The following ACTR3B variants were observed in gnomAD, a reference collection of about 807,000 sequenced individuals.
ACTR3B encodes actin-related protein 3B.
ACTR3B carries 8 observed loss-of-function variants against 59.0 expected under a neutral mutation model. That is an observed-to-expected ratio of 0.14 (90% CI 0.08 to 0.24). ACTR3B has a LOEUF of 0.24. ACTR3B is among the 10% of genes least tolerant of loss of function. The probability of loss-of-function intolerance (pLI) is 1.00; values close to 1 mark genes in which losing one functional copy is unlikely to be tolerated. For missense variants in ACTR3B, 245 were observed against 552.3 expected (o/e 0.44, Z 5.58); for synonymous variants, 148 against 197.9 (o/e 0.75, Z 2.12).
chr7:152,772,903 A>T (rs879570976), intron 1 of ACTR3B, among the ~76,000 whole-genome samples: 19 of 152,020 alleles, frequency 1.2e-4, no homozygotes, highest in Non-Finnish European at 2.2e-4. Context: ...ATGGGGGATT[A>T]GGTTAGGTTT....
chr7:152,844,841 C>G (rs1344318997), intron 9 of ACTR3B, among the ~76,000 whole-genome samples: 1 of 144,108 alleles, frequency 6.9e-6, no homozygotes, highest in Non-Finnish European at 1.5e-5. Flanking sequence ...TAATGTGAGT[C>G]TGATTGTATT....
chr7:152,814,837 T>A (rs1472527239), intron 5 of ACTR3B, among the ~76,000 whole-genome samples, 192 bp downstream of exon 5: 1 of 152,226 alleles, frequency 6.6e-6, no homozygotes, highest in Non-Finnish European at 1.5e-5. Flanking sequence ...TTTGATGCCA[T>A]TTTTTGGTAT....
chr7:152,784,792 G>A (rs1047214398), intron 2 of ACTR3B, among the ~76,000 whole-genome samples: 1 of 151,914 alleles, frequency 6.6e-6, no homozygotes, highest in Non-Finnish European at 1.5e-5. Flanking sequence ...TGGGGACCTC[G>A]CTGGTGTCTC....
intron 10 of ACTR3B, among the ~76,000 whole-genome samples, chr7:152,852,835 A>G (rs1798926882): frequency 6.6e-6 from 1 of 151,926 alleles, no homozygotes; most frequent in Non-Finnish European, 1.5e-5. Context: ...TCTGTCGCCC[A>G]GGCTGGAGTG....
chr7:152,826,858 C>T (rs1468639247), intron 9 of ACTR3B, among the ~76,000 whole-genome samples: 1 of 149,926 alleles, frequency 6.7e-6, no homozygotes, highest in African/African-American at 2.5e-5. Flanking sequence ...GAAAAGGTGG[C>T]GAAAGGCGCC....
intron 2 of ACTR3B, among the ~76,000 whole-genome samples, chr7:152,789,194 A>G (rs1275807004): frequency 6.6e-6 from 1 of 151,534 alleles, no homozygotes; most frequent in East Asian, 1.9e-4. Context: ...GTTTGAGACC[A>G]GCCTTGGCAA....
intron 10 of ACTR3B, among the ~76,000 whole-genome samples, chr7:152,852,916 T>G (rs892323516): frequency 2.0e-5 from 3 of 151,982 alleles, no homozygotes; most frequent in African/African-American, 7.2e-5. Context: ...CTCAGCCTAT[T>G]GAGTAGCTGG....
chr7:152,763,099 T>C (rs2098095186), intron 1 of ACTR3B, among the ~76,000 whole-genome samples: 1 of 152,012 alleles, frequency 6.6e-6, no homozygotes, highest in African/African-American at 2.4e-5. Context: ...GCGGATCACC[T>C]GAGGGCAGGA....
intron 4 of ACTR3B, among the ~76,000 whole-genome samples, chr7:152,807,953 C>G (rs2098257601): frequency 6.6e-6 from 1 of 152,190 alleles, no homozygotes; most frequent in Non-Finnish European, 1.5e-5. Flanking sequence ...GGCACATTCA[C>G]AAACCATTGC....
chr7:152,760,043 A>C, intron 1 of ACTR3B, 117 bp downstream of exon 1: 1 of 976,558 alleles, frequency 1.0e-6, no homozygotes, highest in East Asian at 3.5e-5. Context: ...CCCCGCGATC[A>C]CCTGGGCAGG....
At chr7:152,831,587 G>A (rs1347081608) in intron 9 of ACTR3B, among the ~76,000 whole-genome samples, 5 of 152,260 alleles carry the variant, frequency 3.3e-5, no homozygotes, top group South Asian at 4.1e-4. Flanking sequence ...GCTGATGGCC[G>A]TCCTACAGGA....
intron 9 of ACTR3B, among the ~76,000 whole-genome samples, chr7:152,833,470 C>G (rs1797190993): frequency 6.6e-6 from 1 of 152,154 alleles, no homozygotes; most frequent in Admixed American, 6.5e-5. Context: ...TCTAATAGGG[C>G]TGTCCTCTTA....
chr7:152,844,450 T>C (rs1563153496), intron 9 of ACTR3B, among the ~76,000 whole-genome samples: 1 of 152,186 alleles, frequency 6.6e-6, no homozygotes, highest in Non-Finnish European at 1.5e-5. Context: ...AAAAGTGGAA[T>C]TTAAATGTAT....
chr7:152,777,677 A>G (rs1332174847), intron 1 of ACTR3B, among the ~76,000 whole-genome samples: 2 of 152,220 alleles, frequency 1.3e-5, no homozygotes, highest in Non-Finnish European at 2.9e-5. Context: ...GAAATTTGCC[A>G]TGCGCGGTGG....
intron 1 of ACTR3B, among the ~76,000 whole-genome samples, chr7:152,767,863 A>G (rs1205718783): frequency 3.3e-5 from 5 of 151,992 alleles, no homozygotes; most frequent in African/African-American, 1.2e-4. Flanking sequence ...GTGCTGCTTT[A>G]CAGAATGCTC....
chr7:152,772,687 AACC>A (rs2098126977), intron 1 of ACTR3B, among the ~76,000 whole-genome samples: 1 of 144,564 alleles, frequency 6.9e-6, no homozygotes, highest in Admixed American at 7.1e-5. Flanking sequence ...TTGCAGATAT[AACC>A]CAGCCAACTG....
intron 7 of ACTR3B, among the ~76,000 whole-genome samples, chr7:152,822,458 C>G (rs1007273790): frequency 6.6e-6 from 1 of 152,242 alleles, no homozygotes; most frequent in Admixed American, 6.5e-5. Context: ...CACTTCGCAT[C>G]CCTCAGGCTG....
At chr7:152,819,435 A>G in intron 6 of ACTR3B, among the ~76,000 whole-genome samples, 1 of 152,104 alleles carries the variant, frequency 6.6e-6, no homozygotes, top group Non-Finnish European at 1.5e-5. Context: ...GGCGTTGTCC[A>G]CTCTGACGGT....
chr7:152,792,659 A>G (rs1485992355), intron 2 of ACTR3B, among the ~76,000 whole-genome samples: 1 of 152,084 alleles, frequency 6.6e-6, no homozygotes, highest in African/African-American at 2.4e-5. Context: ...GAGGCAGGAG[A>G]ATTGCTTGAA....
Sources: allele counts gnomAD v4.1 joint callset (sites outside exome capture counted in the v4.1 genomes callset), GRCh38; gene constraint gnomAD v4.1.1; transcripts MANE v1.5; gene names NCBI Gene and HGNC (gene_info 2026-07-23, HGNC 2026-07-21).